The following ATE1 variants were observed in gnomAD, a reference collection of about 807,000 sequenced individuals.
The protein encoded by ATE1 is arginyltransferase 1.
Under a neutral mutation model 70.5 loss-of-function variants are expected in ATE1, and 36 were observed. The ratio of observed to expected loss-of-function variants is 0.51; its 90% CI spans 0.39 to 0.67. The LOEUF (loss-of-function observed/expected upper bound fraction) is 0.67. Among genes scored for constraint, ATE1 ranks in the 30% least tolerant of loss-of-function variants. ATE1 has a pLI of 0.00. For synonymous variants in ATE1, 232 were observed against 219.3 expected, an observed-to-expected ratio of 1.06 and a Z score of -0.51; for missense variants, 593 against 629.5, an observed-to-expected ratio of 0.94 and a Z score of 0.62.
chr10:121,804,572 G>T (rs1947018946), intron 10 of ATE1, among the ~76,000 whole-genome samples: 1 of 152,174 alleles, frequency 6.6e-6, no homozygotes. Context: ...TCATAGAGAT[G>T]ATTATACTTT....
chr10:121,928,022 G>A lies in ATE1; in HGVS notation c.-73C>T, dbSNP rs1203594443. The A allele has an allele frequency of 3.9e-6, 5 of 1,290,562 alleles. No homozygotes were observed. Among genetic ancestry groups the A allele is most frequent in the Non-Finnish European group, 4.9e-6 (5 of 1,018,336 alleles). 79.9% of individuals were successfully genotyped at this position (1,290,562 alleles called of 1,614,324 possible). A position where few individuals can be genotyped will look rare whatever the true frequency, so the allele number is the denominator to read the frequency against. ...GCGGCCGCCGCCGCCACCCCACAAT[G>A]CAGCGCGCCGCCCGGGAGCCTCCCG... On this transcript the variant is annotated 5_prime_UTR_variant, in exon 1 of 12. Coordinates refer to ENST00000224652, the MANE Select transcript of ATE1 (RefSeq NM_001001976.3).
At chr10:121,780,242 C>CT (rs1945926393) in intron 11 of ATE1, among the ~76,000 whole-genome samples, 1 of 152,188 alleles carries the variant, frequency 6.6e-6, no homozygotes, top group South Asian at 2.1e-4. Context: ...CCTGCTCCAC[C>CT]TCCTGTTTCT....
chr10:121,888,310 CA>C (rs1173295814), intron 7 of ATE1, among the ~76,000 whole-genome samples: 1 of 152,084 alleles, frequency 6.6e-6, no homozygotes, highest in African/African-American at 2.4e-5. Flanking sequence ...AGGAGAATGG[CA>C]TGAACCTGGG....
intron 7 of ATE1, among the ~76,000 whole-genome samples, chr10:121,893,293 A>C (rs1010334237): frequency 3.5e-5 from 5 of 141,832 alleles, no homozygotes; most frequent in Admixed American, 7.2e-5. Context: ...AAAAAAAAAA[A>C]CAAAATTGTA....
At chr10:121,876,920 A>C (rs761298237) in intron 7 of ATE1, among the ~76,000 whole-genome samples, 40 of 150,982 alleles carry the variant, frequency 2.6e-4, no homozygotes, top group East Asian at 9.8e-4. Flanking sequence ...GAGCCGAGAT[A>C]GCGCCACTGC....
Position 121,920,367 on chromosome 10 carries a change from A to G in ATE1, c.233+1982T>C, listed in dbSNP as rs373212273. Among the ~76,000 whole-genome samples, 11 of 151,462 alleles carry G rather than the reference A, an allele frequency of 7.3e-5. 1 individual carries two copies. The highest frequency in any genetic ancestry group is 2.4e-4 in the African/African-American group (10 of 41,352). On this transcript the variant is annotated intron_variant, in intron 3 of 11. Coordinates refer to ENST00000224652, the MANE Select transcript of ATE1 (RefSeq NM_001001976.3). Reference sequence around the variant, plus strand: ...GGAAACATGGCAAGACCCCTTTTCTATAAAAAAAAATGTAATTTGCCAGGC... The same window carrying G: ...GGAAACATGGCAAGACCCCTTTTCTGTAAAAAAAAATGTAATTTGCCAGGC...
At chr10:121,859,252 TTTA>T (rs1408679615) in intron 8 of ATE1, among the ~76,000 whole-genome samples, 1 of 150,352 alleles carries the variant, frequency 6.7e-6, no homozygotes, top group East Asian at 1.9e-4. Context: ...ATTATTTTAT[TTTA>T]TTTTATTTTT....
At chr10:121,745,563 CA>C (rs971275485) in intron 11 of ATE1, among the ~76,000 whole-genome samples, 2 of 151,838 alleles carry the variant, frequency 1.3e-5, no homozygotes, top group Non-Finnish European at 2.9e-5. Flanking sequence ...AAAAAAAAAC[CA>C]AAAAACAAAA....
At chr10:121,915,896 AAAAAC>A (rs1205121976) in intron 3 of ATE1, among the ~76,000 whole-genome samples, 4 of 148,354 alleles carry the variant, frequency 2.7e-5, no homozygotes, top group Admixed American at 6.7e-5. Flanking sequence ...ATCTCAAAAA[AAAAAC>A]AAAACAAAAC....
In ATE1 at chr10:121,924,301, C is replaced by T; in HGVS notation, c.135G>A (p.Gln45=). 1 of 1,614,068 alleles carries T rather than the reference C, an allele frequency of 6.2e-7. No homozygotes were observed. The highest frequency in any genetic ancestry group is 8.5e-7 in the Non-Finnish European group (1 of 1,179,954). Reference sequence around the variant, plus strand: ...CTCGGTCTATGAGATCCTGATAATCCTGTACTGTCATGGAATGTGCCCACA... The same window carrying T: ...CTCGGTCTATGAGATCCTGATAATCTTGTACTGTCATGGAATGTGCCCACA... ...NGMWAHSMTV[Q]DYQDLIDRGW... The change falls in exon 2 of 12, where the codon CAG becomes CAA. Residue 45 remains glutamine (Q), a synonymous_variant. Transcript: ENST00000224652.
chr10:121,905,975 C>T (rs1278930790), intron 5 of ATE1, among the ~76,000 whole-genome samples: 3 of 152,188 alleles, frequency 2.0e-5, no homozygotes, highest in Admixed American at 2.0e-4. Context: ...ACCCTGCACC[C>T]ACAGAGGTTC....
chr10:121,892,200 T>C (rs185608444), intron 7 of ATE1, among the ~76,000 whole-genome samples: 1 of 152,144 alleles, frequency 6.6e-6, no homozygotes, highest in Non-Finnish European at 1.5e-5. Flanking sequence ...GGCCAAGGGT[T>C]TGCCAAGTGG....
chr10:121,816,294 G>T (rs967486813), intron 10 of ATE1, among the ~76,000 whole-genome samples: 2 of 152,042 alleles, frequency 1.3e-5, no homozygotes, highest in South Asian at 2.1e-4. Flanking sequence ...ACATATAATA[G>T]ATTTTATTTA....
chr10:121,922,723 G>C (rs993437632), intron 2 of ATE1, among the ~76,000 whole-genome samples: 3 of 152,104 alleles, frequency 2.0e-5, no homozygotes, highest in African/African-American at 4.8e-5. Flanking sequence ...AGGGCAATGA[G>C]AGAAATGCCC....
At chr10:121,911,500 T>C (rs1951430912) in intron 4 of ATE1, among the ~76,000 whole-genome samples, 1 of 150,412 alleles carries the variant, frequency 6.6e-6, no homozygotes, top group Non-Finnish European at 1.5e-5. Flanking sequence ...GTACTGCCAG[T>C]CCCTTTACAA....
chr10:121,742,381 T>A lies in ATE1; in HGVS notation c.*1299A>T, dbSNP rs768056204. On this transcript the variant is annotated 3_prime_UTR_variant, in exon 12 of 12. Transcript: ENST00000224652. ...TTATAACATGGCTTTTAAGAAACGATGAACCAAAACAGAAAAATGGGCAAA... is the reference window on the plus strand; with the variant it reads ...TTATAACATGGCTTTTAAGAAACGAAGAACCAAAACAGAAAAATGGGCAAA... 1 of 151,746 alleles carries A rather than the reference T, an allele frequency of 6.6e-6. No individual in the cohort carries two copies. Among genetic ancestry groups the A allele is most frequent in the Non-Finnish European group, 1.5e-5 (1 of 67,996 alleles). 9.4% of individuals were successfully genotyped at this position (151,746 alleles called of 1,614,324 possible). A position where few individuals can be genotyped will look rare whatever the true frequency, so the allele number is the denominator to read the frequency against.
intron 7 of ATE1, among the ~76,000 whole-genome samples, chr10:121,875,408 G>A (rs1298205452): frequency 2.8e-5 from 4 of 144,644 alleles, no homozygotes; most frequent in Admixed American, 2.2e-4. Context: ...AGGTTCAAGC[G>A]ATTCTCCCAC....
At chr10:121,831,733 A>G (rs1410585361) in intron 10 of ATE1, among the ~76,000 whole-genome samples, 2 of 152,220 alleles carry the variant, frequency 1.3e-5, no homozygotes, top group African/African-American at 4.8e-5. Flanking sequence ...AAATTCCCAC[A>G]TGGCAACATT....
At chr10:121,815,047 T>C (rs1947480974) in intron 10 of ATE1, among the ~76,000 whole-genome samples, 1 of 152,198 alleles carries the variant, frequency 6.6e-6, no homozygotes, top group African/African-American at 2.4e-5. Flanking sequence ...ATTTCTACAA[T>C]GGCCAGAAAA....
Sources: allele counts gnomAD v4.1 joint callset (sites outside exome capture counted in the v4.1 genomes callset), GRCh38; gene constraint gnomAD v4.1.1; transcripts MANE v1.5; gene names NCBI Gene and HGNC (gene_info 2026-07-23, HGNC 2026-07-21).